Variants in TAFAZZIN observed in about 807,000 individuals in gnomAD.
The protein encoded by TAFAZZIN is protein G4.5.
TAFAZZIN carries 6 observed loss-of-function variants against 27.3 expected under a neutral mutation model. The ratio of observed to expected loss-of-function variants is 0.22; its 90% CI spans 0.12 to 0.43. The LOEUF (loss-of-function observed/expected upper bound fraction) is 0.43. Ranked by LOEUF, TAFAZZIN falls within the 20% of genes least tolerant of loss-of-function variation. The probability of loss-of-function intolerance (pLI) is 1.00; values close to 1 mark genes in which losing one functional copy is unlikely to be tolerated. For missense variants in TAFAZZIN, 127 were observed against 244.5 expected (o/e 0.52, Z 3.21); for synonymous variants, 79 against 96.2 (o/e 0.82, Z 1.04).
At position 154,421,001 on chromosome X, in the gene TAFAZZIN, A is replaced by C; in HGVS notation, c.876A>C (p.Arg292Ser). 1 of 1,208,698 alleles carries C rather than the reference A, an allele frequency of 8.3e-7. No individual in the cohort carries two copies. The highest frequency in any genetic ancestry group is 1.1e-6 in the Non-Finnish European group (1 of 892,712). Residue 292 changes from arginine (R) to serine (S), a missense_variant, in exon 11 of 11, where the codon AGA becomes AGC. By Grantham distance (110) the Arg-to-Ser change is moderately radical. Transcript: ENST00000601016. ...EQLHNHLQPG[R>S] is the part of the protein sequence containing the mutation. ...TCCACAACCACCTCCAGCCTGGGAGATAGGCCTTGCTTGCTGCCTTCTGGA... is the reference window on the plus strand; with the variant it reads ...TCCACAACCACCTCCAGCCTGGGAGCTAGGCCTTGCTTGCTGCCTTCTGGA...
chrX:154,415,980 C>A (rs1257318143), intron 5 of TAFAZZIN, among the ~76,000 whole-genome samples: 1 of 109,747 alleles, frequency 9.1e-6, no homozygotes, highest in African/African-American at 3.3e-5. Context: ...TAGCATCTGC[C>A]AGGCGCGGTG....
At chrX:154,412,686 C>T (rs2068350288) in intron 2 of TAFAZZIN, 1 of 185,213 alleles carries the variant, frequency 5.4e-6, no homozygotes, top group Admixed American at 7.1e-5. Context: ...GCTCTGCTGA[C>T]TTCACAGGAA....
chrX:154,411,885 G>A lies in TAFAZZIN; in HGVS notation c.42G>A (p.Pro14=). The change falls in exon 1 of 11, where the codon CCG becomes CCA. Residue 14 remains proline, a synonymous_variant. Transcript: ENST00000601016. ...HVKWPFPAVP[P]LTWTLASSVV... is the part of the protein sequence containing the mutation. ...AGTGGCCGTTCCCCGCGGTGCCGCC[G>A]CTCACCTGGACCCTGGCCAGCAGCG... is the stretch of plus-strand genomic sequence containing the variant. 2 of 1,206,230 alleles carry A rather than the reference G, an allele frequency of 1.7e-6. No individual in the cohort carries two copies. Among genetic ancestry groups the A allele is most frequent in the East Asian group, 5.9e-5 (2 of 33,707 alleles).
Position 154,421,472 on chromosome X carries a change from C to T in TAFAZZIN, c.*468C>T, listed in dbSNP as rs1212823207. Reference sequence around the variant, plus strand: ...GTCTTCCTTCTGCCTGAGCTTCCCCCCCACCACAGGCCCTTTCCTCAGGCA... The same window carrying T: ...GTCTTCCTTCTGCCTGAGCTTCCCCTCCACCACAGGCCCTTTCCTCAGGCA... On this transcript the variant is annotated 3_prime_UTR_variant, in exon 11 of 11. Coordinates refer to ENST00000601016, the MANE Select transcript of TAFAZZIN (RefSeq NM_000116.5). 2.7e-5 allele frequency: 9 copies of T among 332,428 alleles called. No individual in the cohort carries two copies. The highest frequency in any genetic ancestry group is 1.8e-4 in the South Asian group (7 of 38,597). The allele number at this position is 332,428 out of a possible 1,213,427, so 27.4% of individuals were successfully genotyped here.
rs781987702 is a variant in TAFAZZIN at position 154,420,274 on chromosome X, G to A, written c.699+10G>A. ...CCCCCGCTTTGGACAGGTGGGTGGG[G>A]ACTGCTGACCTTCGGCTGTCTGCCT... On this transcript the variant is annotated intron_variant, in intron 9 of 10. Coordinates refer to ENST00000601016, the MANE Select transcript of TAFAZZIN (RefSeq NM_000116.5). The A allele has an allele frequency of 8.3e-7, 1 of 1,209,864 alleles. No individual in the cohort carries two copies. The highest frequency in any genetic ancestry group is 1.1e-6 in the Non-Finnish European group (1 of 894,918).
chrX:154,420,368 G>A (rs1264497429), intron 9 of TAFAZZIN, 104 bp downstream of exon 9: 24 of 977,467 alleles, frequency 2.5e-5, no homozygotes, highest in Non-Finnish European at 3.5e-5. Flanking sequence ...CTGAGCATGA[G>A]GCTACAGCAG....
At chrX:154,414,956 T>A (rs1237805768) in intron 5 of TAFAZZIN, among the ~76,000 whole-genome samples, 1 of 93,719 alleles carries the variant, frequency 1.1e-5, no homozygotes, top group East Asian at 3.3e-4. Flanking sequence ...GCCATTGCAC[T>A]CCAGCCTGGG....
rs1557194562 is a variant in TAFAZZIN at position 154,421,032 on chromosome X, G to A, written c.*28G>A. ...CTTGCTTGCTGCCTTCTGGATTCTT[G>A]GCCCGCACAGAGCTGGGGCTGAGGG... On this transcript the variant is annotated 3_prime_UTR_variant, in exon 11 of 11. Coordinates refer to ENST00000601016, the MANE Select transcript of TAFAZZIN (RefSeq NM_000116.5). The A allele has an allele frequency of 8.6e-7, 1 of 1,166,216 alleles. No homozygotes were observed. Among genetic ancestry groups the A allele is most frequent in the Non-Finnish European group, 1.2e-6 (1 of 855,114 alleles).
At chrX:154,416,583 C>A (rs2068497432) in intron 5 of TAFAZZIN, among the ~76,000 whole-genome samples, 1 of 111,963 alleles carries the variant, frequency 8.9e-6, no homozygotes, top group South Asian at 3.7e-4. Context: ...CGTTGGAGAA[C>A]CGGAGAAGGG....
intron 3 of TAFAZZIN, 66 bp from the exon 4 acceptor site, chrX:154,413,416 A>C: frequency 8.3e-7 from 1 of 1,208,931 alleles, no homozygotes; most frequent in African/African-American, 1.7e-5. Flanking sequence ...CTGCATGCTG[A>C]TGCTGGGGGC....
chrX:154,413,127 C>A, intron 2 of TAFAZZIN, 80 bp from the exon 3 acceptor site: 1 of 1,177,482 alleles, frequency 8.5e-7, no homozygotes, highest in Non-Finnish European at 1.2e-6. Flanking sequence ...TGCTGTCCCT[C>A]ATTCCCTGAG....
intron 8 of TAFAZZIN, 39 bp downstream of exon 8, chrX:154,420,133 G>T: frequency 1.7e-6 from 2 of 1,210,434 alleles, no homozygotes; most frequent in Non-Finnish European, 2.2e-6. Context: ...GGCATCTGGG[G>T]TGGGGGGCCT....
chrX:154,413,345 G>A (rs781794970), intron 3 of TAFAZZIN, 93 bp downstream of exon 3: 20 of 1,205,504 alleles, frequency 1.7e-5, no homozygotes, highest in African/African-American at 5.2e-5. Flanking sequence ...AGGAGGTGGC[G>A]TCCAGCAGTC....
chrX:154,413,657 G>A (rs1364309568), intron 4 of TAFAZZIN, 90 bp downstream of exon 4: 1 of 966,158 alleles, frequency 1.0e-6, no homozygotes, highest in East Asian at 3.1e-5. Context: ...ACCTATGGGG[G>A]TAGGCATCCC....
At chrX:154,414,973 G>A (rs1200431093) in intron 5 of TAFAZZIN, among the ~76,000 whole-genome samples, 2 of 94,723 alleles carry the variant, frequency 2.1e-5, no homozygotes, top group African/African-American at 3.9e-5. Context: ...TGGGCAATAA[G>A]AGCGAAACTC....
intron 5 of TAFAZZIN, among the ~76,000 whole-genome samples, chrX:154,415,212 G>C (rs2068449518): frequency 9.2e-6 from 1 of 108,709 alleles, no homozygotes; most frequent in Non-Finnish European, 1.9e-5. Flanking sequence ...TGTCACCTCA[G>C]CCTCCTGAGC....
chrX:154,416,418 G>A (rs2068492522), intron 5 of TAFAZZIN, among the ~76,000 whole-genome samples: 1 of 108,407 alleles, frequency 9.2e-6, no homozygotes, highest in Non-Finnish European at 1.9e-5. Flanking sequence ...CTGGGTGACA[G>A]AGCGAGACTC....
rs1569552755 is a variant in TAFAZZIN, at chrX:154,414,166, G to C, written c.436G>C (p.Gly146Arg). 2 of 1,210,100 alleles carry C rather than the reference G, an allele frequency of 1.7e-6. No homozygotes were observed. Among genetic ancestry groups the C allele is most frequent in the Non-Finnish European group, 2.2e-6 (2 of 894,549 alleles). ...GVLDTGRHMP[G>R]AGKRREKGDG... ...TCTAGACACAGGCAGGCACATGCCA[G>C]GTGCTGGAAAAAGAAGAGAGAAAGG... The change falls in exon 5 of 11, where the codon GGT becomes CGT. Residue 146 changes from glycine to arginine, a missense_variant. Physicochemically the swap from Gly to Arg is moderately radical, Grantham distance 125 (BLOSUM62 -2). Coordinates refer to ENST00000601016, the MANE Select transcript of TAFAZZIN (RefSeq NM_000116.5).
At chrX:154,419,774 C>T in intron 7 of TAFAZZIN, 28 bp downstream of exon 7, 1 of 1,211,578 alleles carries the variant, frequency 8.3e-7, no homozygotes, top group Non-Finnish European at 1.1e-6. Context: ...CTGGCCACAG[C>T]CATCCTCCCG....
Sources: allele counts gnomAD v4.1 joint callset (sites outside exome capture counted in the v4.1 genomes callset), GRCh38; gene constraint gnomAD v4.1.1; transcripts MANE v1.5; gene names NCBI Gene and HGNC (gene_info 2026-07-23, HGNC 2026-07-21).